The following BTAF1 variants were observed in gnomAD, a reference collection of about 807,000 sequenced individuals.
BTAF1 encodes the protein TATA-binding protein-associated factor 172.
Under a neutral mutation model 227.1 loss-of-function variants are expected in BTAF1, and 38 were observed. The ratio of observed to expected loss-of-function variants is 0.17; its 90% CI spans 0.13 to 0.22. The LOEUF (loss-of-function observed/expected upper bound fraction) is 0.22. BTAF1 is among the 10% of genes least tolerant of loss of function. The probability of loss-of-function intolerance (pLI) is 1.00; values close to 1 mark genes in which losing one functional copy is unlikely to be tolerated. For synonymous variants in BTAF1, 742 were observed against 751.9 expected (o/e 0.99, Z 0.21); for missense variants, 1,598 against 2,204.0 (o/e 0.73, Z 5.51).
chr10:91,954,538 TA>T (rs113190004), intron 6 of BTAF1, among the ~76,000 whole-genome samples: 2,067 of 148,702 alleles, frequency 0.014, 49 homozygotes, highest in African/African-American at 0.046. Context: ...GAGGACCTTG[TA>T]AAAAAAAAAT....
rs1851845494 is a variant in BTAF1, at chr10:92,030,811, C to CT, written c.*1882dup. Among the ~76,000 whole-genome samples the CT allele has an allele frequency of 6.6e-6, 1 of 152,086 alleles. No individual in the cohort carries two copies. Among genetic ancestry groups the CT allele is most frequent in the African/African-American group, 2.4e-5 (1 of 41,422 alleles). Reference sequence around the variant, plus strand: ...GTGGCTATAACATTTTTAAAATAATCTTTTGAGTTGTAAAATAGTAAATCA... The same window carrying CT: ...GTGGCTATAACATTTTTAAAATAATCTTTTTGAGTTGTAAAATAGTAAATCA... On this transcript the variant is annotated 3_prime_UTR_variant, in exon 38 of 38. Transcript: ENST00000265990.
At chr10:92,014,448 A>G (rs1247354664) in intron 32 of BTAF1, among the ~76,000 whole-genome samples, 1 of 152,134 alleles carries the variant, frequency 6.6e-6, no homozygotes, top group Admixed American at 6.6e-5. Context: ...GGTGGTCTCA[A>G]ACTCCCAGGG....
chr10:91,976,468 A>G lies in BTAF1; in HGVS notation c.1651-3986A>G, dbSNP rs1456047207. ...AAATTTTTTAGCCCTCTAATCACATAGTTAGTTCCTCTGGCAACCAGCCCC... is the reference window on the plus strand; with the variant it reads ...AAATTTTTTAGCCCTCTAATCACATGGTTAGTTCCTCTGGCAACCAGCCCC... On this transcript the variant is annotated intron_variant, in intron 14 of 37. Transcript: ENST00000265990. Among the ~76,000 whole-genome samples the G allele has an allele frequency of 3.9e-5, 6 of 152,292 alleles. No individual in the cohort carries two copies. In the East Asian group the frequency reaches 1.2e-3, roughly 29 times the overall value.
At chr10:92,007,871 T>G (rs1004714440) in intron 25 of BTAF1, among the ~76,000 whole-genome samples, 3 of 152,250 alleles carry the variant, frequency 2.0e-5, no homozygotes, top group Non-Finnish European at 4.4e-5. Context: ...TTTATATGCC[T>G]CTTTATCAAA....
chr10:91,997,835 A>G, intron 25 of BTAF1, 84 bp downstream of exon 25: 1 of 1,392,814 alleles, frequency 7.2e-7, no homozygotes, highest in Non-Finnish European at 9.9e-7. Context: ...AGGGCCAGGT[A>G]CAAAGGCTCA....
chr10:92,000,247 A>C (rs1442432225), intron 25 of BTAF1, among the ~76,000 whole-genome samples: 1 of 152,188 alleles, frequency 6.6e-6, no homozygotes, highest in African/African-American at 2.4e-5. Context: ...CAAGATCTTC[A>C]TCCCACCTTT....
chr10:91,949,288 G>A (rs552863389), intron 4 of BTAF1, among the ~76,000 whole-genome samples: 1 of 152,308 alleles, frequency 6.6e-6, no homozygotes, highest in East Asian at 1.9e-4. Flanking sequence ...AGTCCAGCGT[G>A]AGTAGCAGAG....
intron 25 of BTAF1, among the ~76,000 whole-genome samples, chr10:92,001,983 TATACACACACACACACAC>T (rs1849574842): frequency 1.1e-5 from 1 of 89,322 alleles, no homozygotes; most frequent in African/African-American, 3.3e-5. Flanking sequence ...TATATATATA[TATACACACACACACACAC>T]ACACACACAC....
chr10:91,988,363 G>A (rs74149346), intron 19 of BTAF1, among the ~76,000 whole-genome samples: 2,044 of 152,214 alleles, frequency 0.013, 46 homozygotes, highest in African/African-American at 0.045. Context: ...GTGGATTTAG[G>A]ACAATGTTTT....
In BTAF1 at chr10:92,027,190, G is replaced by A; in HGVS notation, c.5296G>A (p.Gly1766Arg). Residue 1766 changes from glycine to arginine, a missense_variant, in exon 37 of 38, where the codon GGG (glycine) becomes AGG (arginine). Physicochemically the swap from Gly to Arg is moderately radical, Grantham distance 125 (BLOSUM62 -2). Coordinates refer to ENST00000265990, the MANE Select transcript of BTAF1 (RefSeq NM_003972.3). ...AGGAACATTGGAAGAAAAAATAATG[G>A]GGTTGCAGAAATTCAAGATGAACAT... ...TRGTLEEKIMGLQKFKMNIAN... is the reference protein window; with the variant it reads ...TRGTLEEKIMRLQKFKMNIAN... 8.1e-6 allele frequency: 13 copies of A among 1,613,878 alleles called. No homozygotes were observed. The highest frequency in any genetic ancestry group is 1.1e-5 in the Non-Finnish European group (13 of 1,179,928).
At chr10:92,009,275 A>T in intron 28 of BTAF1, 67 bp downstream of exon 28, 1 of 1,509,868 alleles carries the variant, frequency 6.6e-7, no homozygotes, top group Non-Finnish European at 9.0e-7. Flanking sequence ...GAACAGTAAC[A>T]TTTATTAAAG....
At chr10:91,996,624 G>T in intron 24 of BTAF1, 54 bp downstream of exon 24, 2 of 1,557,146 alleles carry the variant, frequency 1.3e-6, no homozygotes, top group South Asian at 2.3e-5. Context: ...TTCACTTAAG[G>T]ATAATTAAAA....
Position 91,980,526 on chromosome 10 carries a change from A to G in BTAF1, c.1723A>G (p.Ser575Gly), listed in dbSNP as rs1167221188. 4 of 1,612,768 alleles carry G rather than the reference A, an allele frequency of 2.5e-6. No individual in the cohort carries two copies. Among genetic ancestry groups the G allele is most frequent in the Non-Finnish European group, 3.4e-6 (4 of 1,179,176 alleles). ...RHIFQFCVLE[S>G]SQEILDLIHK... ...CATTTTTCAGTTCTGTGTTTTGGAA[A>G]GCAGCCAGGAAATTCTGGACCTTAT... Residue 575 changes from serine (S) to glycine (G), a missense_variant, in exon 15 of 38, where the codon AGC becomes GGC. This residue lies in a region of BTAF1 where 318 missense variants were observed against 435.0 expected (regional missense o/e 0.73). Transcript: ENST00000265990.
chr10:91,949,234 G>A (rs1845588114), intron 4 of BTAF1, among the ~76,000 whole-genome samples: 1 of 152,122 alleles, frequency 6.6e-6, no homozygotes, highest in African/African-American at 2.4e-5. Flanking sequence ...AATTGCTTGA[G>A]TCTAGGTGGA....
chr10:91,959,717 A>ATTGT (rs1846354718), intron 9 of BTAF1, 68 bp from the exon 10 acceptor site: 1 of 514,318 alleles, frequency 1.9e-6, no homozygotes, highest in Non-Finnish European at 2.6e-6. Context: ...ATGTTAAAAA[A>ATTGT]ATGTGTGTGT....
chr10:92,020,920 A>C (rs548079822), intron 34 of BTAF1, among the ~76,000 whole-genome samples: 40 of 152,056 alleles, frequency 2.6e-4, no homozygotes, highest in African/African-American at 9.2e-4. Context: ...CTTATTTTAG[A>C]GTGTGCTTCT....
In BTAF1 at chr10:92,025,445, A is replaced by ATTT. The variant is rs1436003748; in HGVS notation, c.5075+478_5075+479insTTT. On this transcript the variant is annotated intron_variant, in intron 35 of 37. Coordinates refer to ENST00000265990, the MANE Select transcript of BTAF1 (RefSeq NM_003972.3). ...ATCTCAGTGGTTGCTTTTTTTTTTA[A>ATTT]AAAAAAAATGCAGATTCCTAGGTTC... Among the ~76,000 whole-genome samples the ATTT allele has an allele frequency of 2.7e-3, 396 of 147,406 alleles. 1 individual carries two copies. Among genetic ancestry groups the ATTT allele is most frequent in the African/African-American group, 4.2e-3 (163 of 39,188 alleles).
chr10:91,942,388 T>C (rs374249746), intron 3 of BTAF1, 34 bp from the exon 4 acceptor site: 32 of 1,595,538 alleles, frequency 2.0e-5, no homozygotes, highest in Non-Finnish European at 2.5e-5. Flanking sequence ...ACTTTGGCTA[T>C]ATGGTCAAAT....
At chr10:91,962,420 A>G in intron 11 of BTAF1, 118 bp from the exon 12 acceptor site, 1 of 621,956 alleles carries the variant, frequency 1.6e-6, no homozygotes, top group South Asian at 2.6e-5. Flanking sequence ...ATTGTTAAGC[A>G]GTGCATGACT....
Sources: allele counts gnomAD v4.1 joint callset (sites outside exome capture counted in the v4.1 genomes callset), GRCh38; gene constraint gnomAD v4.1.1; regional missense constraint gnomAD v4.1.1; transcripts MANE v1.5; gene names NCBI Gene and HGNC (gene_info 2026-07-23, HGNC 2026-07-21).